SSPN: variants seen among roughly 807,000 people sequenced by gnomAD.
SSPN encodes the protein sarcospan.
A neutral mutation model predicts 19.1 loss-of-function variants in SSPN; 15 were observed. The observed-to-expected ratio is 0.78, with a 90% CI of 0.52 to 1.21. The LOEUF (loss-of-function observed/expected upper bound fraction) is 1.21. SSPN is among the 50% of genes most tolerant of loss of function. The pLI is 0.00. For missense variants in SSPN, 291 were observed against 314.0 expected (o/e 0.93, Z 0.55); for synonymous variants, 147 against 140.3 (o/e 1.05, Z -0.34).
intron 1 of SSPN, among the ~76,000 whole-genome samples, chr12:26,149,617 A>G (rs1944513029): frequency 6.6e-6 from 1 of 152,246 alleles, no homozygotes; most frequent in African/African-American, 2.4e-5. Context: ...TGAACAAGAA[A>G]TAAATGTACA....
chr12:26,125,204 C>T, intron 1 of SSPN: 1 of 306,994 alleles, frequency 3.3e-6, no homozygotes, highest in Non-Finnish European at 6.3e-6. Flanking sequence ...GCGGGGACAC[C>T]TGATCAGGGC....
intron 1 of SSPN, among the ~76,000 whole-genome samples, chr12:26,134,730 G>A (rs986255449): frequency 7.1e-6 from 1 of 140,542 alleles, no homozygotes; most frequent in Admixed American, 7.0e-5. Flanking sequence ...TCCCCCACTA[G>A]GACTTTCCTA....
At position 26,142,236 on chromosome 12, in the gene SSPN, G is replaced by A. The variant is rs534047798; in HGVS notation, c.-31+20084G>A. On this transcript the variant is annotated intron_variant, in intron 1 of 2. Coordinates refer to the SSPN transcript ENST00000538142. ...TTTTAAGCAGTGCCAGTTTTGCATC[G>A]TAGAAAATGTATTCTGATGACACTG... is the stretch of plus-strand genomic sequence containing the variant. 9.6e-4 allele frequency among the ~76,000 whole-genome samples: 146 copies of A among 152,246 alleles called. 3 individuals carry two copies. The South Asian group carries it at 0.028, about 29-fold the overall frequency.
chr12:26,189,276 A>G (rs910582743), intron 1 of SSPN, among the ~76,000 whole-genome samples: 1 of 152,236 alleles, frequency 6.6e-6, no homozygotes, highest in Non-Finnish European at 1.5e-5. Context: ...TTCAAGATAT[A>G]GCAGTAAAAT....
chr12:26,151,898 C>A (rs946879875), intron 1 of SSPN, among the ~76,000 whole-genome samples: 1 of 152,230 alleles, frequency 6.6e-6, no homozygotes, highest in Non-Finnish European at 1.5e-5. Flanking sequence ...TCATCCAATG[C>A]GGTAATTTAA....
At chr12:26,178,603 G>A (rs925923001) in intron 1 of SSPN, among the ~76,000 whole-genome samples, 4 of 152,104 alleles carry the variant, frequency 2.6e-5, no homozygotes, top group Non-Finnish European at 5.9e-5. Context: ...AATTTGGGGG[G>A]CAGAGATATG....
intron 1 of SSPN, chr12:26,122,248 G>T: frequency 7.8e-7 from 1 of 1,275,060 alleles, no homozygotes. Flanking sequence ...GCCTTCTCGG[G>T]AGGGGGCGAC....
At chr12:26,204,088 C>T (rs1944909542) in intron 1 of SSPN, among the ~76,000 whole-genome samples, 1 of 152,096 alleles carries the variant, frequency 6.6e-6, no homozygotes, top group Non-Finnish European at 1.5e-5. Flanking sequence ...ATAGCATTTC[C>T]GGTGAGGGTT....
Position 26,209,795 on chromosome 12 carries a change from CGTGTGTGTGTGTGTGTGTGTGT to C in SSPN, c.279+13867_279+13888del, listed in dbSNP as rs56680376. ...ATTCTTATAGCTCTGATTCTTAGAG[CGTGTGTGTGTGTGTGTGTGTGT>C]GTGTGTGTGTGTGTGTGTGTGTACA... On this transcript the variant is annotated intron_variant, in intron 1 of 2. Coordinates refer to ENST00000242729, the MANE Select transcript of SSPN (RefSeq NM_005086.5). Among the ~76,000 whole-genome samples, 313 of 145,096 alleles carry C rather than the reference CGTGTGTGTGTGTGTGTGTGTGT, an allele frequency of 2.2e-3. 1 individual carries two copies. The highest frequency in any genetic ancestry group is 7.4e-3 in the African/African-American group (287 of 39,042).
intron 1 of SSPN, among the ~76,000 whole-genome samples, chr12:26,203,512 C>T (rs896477252): frequency 1.3e-5 from 2 of 152,186 alleles, no homozygotes; most frequent in African/African-American, 2.4e-5. Flanking sequence ...TCCATAGGCA[C>T]ACCCTCTTTC....
intron 1 of SSPN, among the ~76,000 whole-genome samples, chr12:26,188,922 A>T (rs2137449509): frequency 6.6e-6 from 1 of 152,240 alleles, no homozygotes; most frequent in South Asian, 2.1e-4. Flanking sequence ...TACTTATGCA[A>T]TTTTTTTGAA....
intron 2 of SSPN, among the ~76,000 whole-genome samples, chr12:26,229,710 A>C (rs1945210813): frequency 6.6e-6 from 1 of 152,188 alleles, no homozygotes; most frequent in African/African-American, 2.4e-5. Context: ...TAATTCTTGC[A>C]CTAAGAACTA....
At chr12:26,223,336 G>A (rs1477519814) in intron 1 of SSPN, among the ~76,000 whole-genome samples, 2 of 152,104 alleles carry the variant, frequency 1.3e-5, no homozygotes, top group South Asian at 2.1e-4. Flanking sequence ...TCAGCCTCCC[G>A]AGTACCTGGG....
At chr12:26,173,841 C>T (rs1032917975) in intron 1 of SSPN, among the ~76,000 whole-genome samples, 7 of 152,084 alleles carry the variant, frequency 4.6e-5, no homozygotes, top group African/African-American at 9.7e-5. Context: ...CTGTGGCTTA[C>T]GTGGATGATT....
At chr12:26,172,030 G>A (rs117369418) in intron 1 of SSPN, among the ~76,000 whole-genome samples, 399 of 152,262 alleles carry the variant, frequency 2.6e-3, no homozygotes, top group Middle Eastern at 6.8e-3. Flanking sequence ...GCAATAATGT[G>A]TGCAAAGTCA....
intron 1 of SSPN, among the ~76,000 whole-genome samples, chr12:26,132,722 C>G (rs543759572): frequency 6.6e-6 from 1 of 152,278 alleles, no homozygotes; most frequent in Admixed American, 6.5e-5. Context: ...GGCTCCTGTT[C>G]GGCTCTCCAC....
chr12:26,133,783 C>G (rs993897342), intron 1 of SSPN, among the ~76,000 whole-genome samples: 1 of 152,178 alleles, frequency 6.6e-6, no homozygotes, highest in East Asian at 1.9e-4. Context: ...TGCACAAGGG[C>G]CTCTCAAAGG....
In SSPN at chr12:26,232,679, C is replaced by T. The variant is rs1487226620; in HGVS notation, c.*1603C>T. 9 of 984,904 alleles carry T rather than the reference C, an allele frequency of 9.1e-6. No homozygotes were observed. Among genetic ancestry groups the T allele is most frequent in the Admixed American group, 6.2e-5 (1 of 16,246 alleles). The allele number at this position is 984,904 out of a possible 1,614,324, so 61.0% of individuals were successfully genotyped here. ...TATAAATATCCAGTATAAAGGAAAG[C>T]GTTAAGTCGGTAAGCTAGAGGATTG... On this transcript the variant is annotated 3_prime_UTR_variant, in exon 3 of 3. Coordinates refer to ENST00000242729, the MANE Select transcript of SSPN (RefSeq NM_005086.5).
At chr12:26,177,383 A>G (rs1944690885) in intron 1 of SSPN, among the ~76,000 whole-genome samples, 1 of 152,100 alleles carries the variant, frequency 6.6e-6, no homozygotes, top group South Asian at 2.1e-4. Flanking sequence ...ACCCCTGGAC[A>G]CCTTCGTCTG....
Sources: allele counts gnomAD v4.1 joint callset (sites outside exome capture counted in the v4.1 genomes callset), GRCh38; gene constraint gnomAD v4.1.1; transcripts MANE v1.5; gene names NCBI Gene and HGNC (gene_info 2026-07-23, HGNC 2026-07-21).